MORC4: variants seen among roughly 807,000 people sequenced by gnomAD.
MORC4 encodes MORC family CW-type zinc finger protein 4.
A neutral mutation model predicts 65.5 loss-of-function variants in MORC4; 22 were observed. The observed-to-expected ratio is 0.34, with a 90% CI of 0.24 to 0.48. MORC4 has a LOEUF of 0.48. Ranked by LOEUF, MORC4 falls within the 20% of genes least tolerant of loss-of-function variation. The probability of loss-of-function intolerance (pLI) is 0.99; values close to 1 mark genes in which losing one functional copy is unlikely to be tolerated. For missense variants in MORC4, 624 were observed against 703.0 expected (o/e 0.89, Z 1.27); for synonymous variants, 267 against 255.8 (o/e 1.04, Z -0.42).
intron 14 of MORC4, among the ~76,000 whole-genome samples, chrX:106,952,588 C>T (rs1163327500): frequency 8.9e-6 from 1 of 111,931 alleles, no homozygotes; most frequent in Non-Finnish European, 1.9e-5. Flanking sequence ...TGCTTACATA[C>T]TGGTGGAACC....
At chrX:106,963,243 T>A (rs1244688272) in intron 9 of MORC4, among the ~76,000 whole-genome samples, 2 of 111,908 alleles carry the variant, frequency 1.8e-5, no homozygotes, top group Non-Finnish European at 3.8e-5. Context: ...ATAAGAAGCA[T>A]GTGGAAGCTG....
At chrX:106,966,064 A>C (rs1251222593) in intron 9 of MORC4, among the ~76,000 whole-genome samples, 1 of 111,929 alleles carries the variant, frequency 8.9e-6, no homozygotes, top group African/African-American at 3.2e-5. Flanking sequence ...CTTATGTAAA[A>C]TGCAAGAGGA....
Position 107,000,001 on chromosome X carries a change from C to T in MORC4, c.-32G>A, listed in dbSNP as rs1935153288. 2.9e-6 allele frequency: 2 copies of T among 699,464 alleles called. No individual in the cohort carries two copies. The highest frequency in any genetic ancestry group is 3.6e-6 in the Non-Finnish European group (2 of 555,333). The allele number at this position is 699,464 out of a possible 1,213,427, so 57.6% of individuals were successfully genotyped here. A position where few individuals can be genotyped will look rare whatever the true frequency, so the allele number is the denominator to read the frequency against. The stretch of plus-strand genomic sequence containing the variant: ...GGCCGCCACGGTACCCGTCTGCTGC[C>T]GCCGGACCCCTGGCCCGGCGGTCCG... On this transcript the variant is annotated 5_prime_UTR_variant, in exon 1 of 17. Coordinates refer to ENST00000355610, the MANE Select transcript of MORC4 (RefSeq NM_024657.5).
chrX:106,981,430 TC>T lies in MORC4; in HGVS notation c.721del (p.Asp241ThrfsTer13). On this transcript the variant is annotated frameshift_variant, in exon 6 of 17. Coordinates refer to ENST00000355610, the MANE Select transcript of MORC4 (RefSeq NM_024657.5). LOFTEE classifies it high-confidence loss of function. The part of the protein sequence containing the change: ...SELDFDTDQY[D>X]ILVSDFDTEE... ...TGTGTCAAAGTCTGATACCAGGATG[TC>T]ATATTGATCTGTATCAAAGTCCAAC... The T allele has an allele frequency of 8.3e-7, 1 of 1,203,257 alleles. No homozygotes were observed. Among genetic ancestry groups the T allele is most frequent in the Non-Finnish European group, 1.1e-6 (1 of 889,931 alleles).
At position 106,999,768 on chromosome X, in the gene MORC4, C is replaced by A; in HGVS notation, c.103-19G>T. 1 of 1,067,843 alleles carries A rather than the reference C, an allele frequency of 9.4e-7. No homozygotes were observed. The highest frequency in any genetic ancestry group is 1.2e-6 in the Non-Finnish European group (1 of 824,939). The allele number at this position is 1,067,843 out of a possible 1,213,427, so 88.0% of individuals were successfully genotyped here. A position where few individuals can be genotyped will look rare whatever the true frequency, so the allele number is the denominator to read the frequency against. On this transcript the variant is annotated intron_variant, in intron 1 of 16. Transcript: ENST00000355610. ...GGCTCATCTGGGGGCGAGAGAAGGT[C>A]CCGACCCGCGTGAGGCCTCGGCCCG...
rs1167085671 is a variant in MORC4 at position 106,945,424 on chromosome X, G to GTGTC, written c.1686-2220_1686-2219insGACA. Among the ~76,000 whole-genome samples the GTGTC allele has an allele frequency of 7.1e-5, 7 of 98,809 alleles. No individual in the cohort carries two copies. In the East Asian group the frequency reaches 2.1e-3, roughly 30 times the overall value. The allele number at this position is 98,809 out of a possible 115,157, so 85.8% of individuals were successfully genotyped here. A position where few individuals can be genotyped will look rare whatever the true frequency, so the allele number is the denominator to read the frequency against. On this transcript the variant is annotated intron_variant, in intron 14 of 16. Transcript: ENST00000355610. ...GCATCACTTACTACTTTGTGTGTGT[G>GTGTC]TGTGTGTGTGTGTGTGTGTGTGTGT...
chrX:106,975,820 C>T (rs1417151672), intron 9 of MORC4, among the ~76,000 whole-genome samples: 1 of 110,701 alleles, frequency 9.0e-6, no homozygotes, highest in Non-Finnish European at 1.9e-5. Flanking sequence ...CCCTGACTCC[C>T]TTAAGCATAT....
chrX:106,941,648 A>G lies in MORC4; in HGVS notation c.2661-16T>C. The G allele has an allele frequency of 8.3e-7, 1 of 1,202,149 alleles. No homozygotes were observed. Among genetic ancestry groups the G allele is most frequent in the Non-Finnish European group, 1.1e-6 (1 of 889,851 alleles). On this transcript the variant is annotated splice_polypyrimidine_tract_variant and intron_variant, in intron 16 of 16. Coordinates refer to ENST00000355610, the MANE Select transcript of MORC4 (RefSeq NM_024657.5). Reference sequence around the variant, plus strand: ...TGCCAAAGCCCTGTATGAAGGAGTGAGGGGGCAGGAGAAGAGATGACATGA... The same window carrying G: ...TGCCAAAGCCCTGTATGAAGGAGTGGGGGGGCAGGAGAAGAGATGACATGA...
intron 14 of MORC4, among the ~76,000 whole-genome samples, chrX:106,945,472 A>G (rs1348318342): frequency 9.8e-6 from 1 of 102,251 alleles, no homozygotes; most frequent in Non-Finnish European, 2.0e-5. Context: ...TAGGTACCTT[A>G]CAAAAGCATA....
Position 106,941,470 on chromosome X carries a change from G to T in MORC4, c.*9C>A. 1 of 1,193,683 alleles carries T rather than the reference G, an allele frequency of 8.4e-7. No individual in the cohort carries two copies. The highest frequency in any genetic ancestry group is 1.1e-6 in the Non-Finnish European group (1 of 882,545). The stretch of plus-strand genomic sequence containing the variant: ...AGATAAGAGAAGAGAAGGGTATACA[G>T]TCTGGTGCTCAATCCAGTATGTGAT... On this transcript the variant is annotated 3_prime_UTR_variant, in exon 17 of 17. Coordinates refer to ENST00000355610, the MANE Select transcript of MORC4 (RefSeq NM_024657.5).
Position 106,943,047 on chromosome X carries a change from G to T in MORC4, c.1844C>A (p.Ser615Ter), listed in dbSNP as rs745913872. 1 of 1,211,331 alleles carries T rather than the reference G, an allele frequency of 8.3e-7. No homozygotes were observed. ...YPEGENSHDK[S>*]SSERSTPPYL... ...TGGTGGTGTACTTCTCTCAGAACTCGATTTATCATGGCTGTTCTCCCCTTC... is the reference window on the plus strand; with the variant it reads ...TGGTGGTGTACTTCTCTCAGAACTCTATTTATCATGGCTGTTCTCCCCTTC... Residue 615 changes from serine to a stop codon, truncating the protein, a stop_gained, in exon 15 of 17, where the codon TCG becomes TAG. Coordinates refer to ENST00000355610, the MANE Select transcript of MORC4 (RefSeq NM_024657.5). LOFTEE classifies it high-confidence loss of function.
chrX:106,942,403 C>A, intron 15 of MORC4, 112 bp downstream of exon 15: 1 of 880,053 alleles, frequency 1.1e-6, no homozygotes. Context: ...CAGAATAGTT[C>A]AGGGGCATAT....
chrX:106,943,243 T>C (rs148976763), intron 14 of MORC4, 38 bp from the exon 15 acceptor site: 10 of 1,069,891 alleles, frequency 9.3e-6, no homozygotes, highest in African/African-American at 1.9e-5. Context: ...GCTGTCAGAG[T>C]ACAAGTTAAG....
In MORC4 at chrX:106,978,088, G is replaced by A; in HGVS notation, c.1048C>T (p.Gln350Ter). Residue 350 changes from glutamine to a stop codon, truncating the protein, a stop_gained, in exon 8 of 17, where the codon CAG becomes TAG. Coordinates refer to ENST00000355610, the MANE Select transcript of MORC4 (RefSeq NM_024657.5). LOFTEE classifies it high-confidence loss of function. ...AAATATTAACTACTCACCTTCACCTGGCACCCCACCTTCTCAAAAGATTTT... is the reference window on the plus strand; with the variant it reads ...AAATATTAACTACTCACCTTCACCTAGCACCCCACCTTCTCAAAAGATTTT... ...LIKSFEKVGC[Q>*]VKPTRGEGVG... is the part of the protein sequence containing the mutation. 1 of 1,208,240 alleles carries A rather than the reference G, an allele frequency of 8.3e-7. No individual in the cohort carries two copies. Among genetic ancestry groups the A allele is most frequent in the Non-Finnish European group, 1.1e-6 (1 of 893,360 alleles).
At chrX:106,956,883 G>C (rs1186840074) in intron 12 of MORC4, 53 bp downstream of exon 12, 1 of 943,230 alleles carries the variant, frequency 1.1e-6, no homozygotes, top group Admixed American at 2.5e-5. Flanking sequence ...CTGTAAGGAA[G>C]TGTCAGGCTA....
intron 9 of MORC4, among the ~76,000 whole-genome samples, chrX:106,966,712 C>G (rs1486346190): frequency 8.9e-6 from 1 of 112,967 alleles, no homozygotes; most frequent in Non-Finnish European, 1.9e-5. Flanking sequence ...CGACCTGGAA[C>G]ACGGGAGCTT....
chrX:106,973,402 T>A (rs1934564199), intron 9 of MORC4, among the ~76,000 whole-genome samples: 1 of 111,697 alleles, frequency 9.0e-6, no homozygotes, highest in African/African-American at 3.3e-5. Flanking sequence ...GATTTGAGAC[T>A]TTTGAGCTGA....
chrX:106,993,241 G>A lies in MORC4; in HGVS notation c.297C>T (p.His99=), dbSNP rs755858073. Residue 99 remains histidine (H), a synonymous_variant, in exon 3 of 17, where the codon CAC becomes CAT. Transcript: ENST00000355610. ...DGCGMTPHKL[H]RMLSFGFTDK... Reference sequence around the variant, plus strand: ...GAAGACATTTTTACCTGAGCATTCGGTGTAGTTTATGAGGTGTCATCCCAC... The same window carrying A: ...GAAGACATTTTTACCTGAGCATTCGATGTAGTTTATGAGGTGTCATCCCAC... 2.5e-6 allele frequency: 3 copies of A among 1,207,934 alleles called. No homozygotes were observed. The highest frequency in any genetic ancestry group is 3.5e-5 in the African/African-American group (2 of 57,339).
chrX:106,983,245 T>C (rs1934785751), intron 5 of MORC4, among the ~76,000 whole-genome samples: 1 of 112,298 alleles, frequency 8.9e-6, no homozygotes, highest in South Asian at 3.7e-4. Flanking sequence ...GTTTAAGATA[T>C]GTAAATCACT....
Sources: gnomAD v4.1 joint callset for allele counts (sites outside exome capture counted in the v4.1 genomes callset) on GRCh38, gnomAD v4.1.1 for gene constraint, MANE v1.5 for transcripts, NCBI Gene and HGNC (gene_info 2026-07-23, HGNC 2026-07-21) for gene names.